GMDS: variants seen among roughly 807,000 people sequenced by gnomAD.
GMDS encodes GDP-mannose 4,6 dehydratase.
In GMDS, 20 loss-of-function variants were observed where a neutral mutation model predicts 49.9. The observed-to-expected ratio is 0.40, with a 90% CI of 0.28 to 0.58. The LOEUF is 0.58. Among genes scored for constraint, GMDS ranks in the 20% least tolerant of loss-of-function variants. GMDS has a pLI of 0.42. For missense variants in GMDS, 362 were observed against 481.4 expected, an observed-to-expected ratio of 0.75 and a Z score of 2.32; for synonymous variants, 177 against 178.6, an observed-to-expected ratio of 0.99 and a Z score of 0.07.
Position 1,666,231 on chromosome 6 carries a change from T to C in GMDS, c.988-41691A>G, listed in dbSNP as rs902795336. Among the ~76,000 whole-genome samples the C allele has an allele frequency of 3.3e-5, 5 of 152,240 alleles. No individual in the cohort carries two copies. In the East Asian group the frequency reaches 9.6e-4, roughly 29 times the overall value. ...TCTGAGATCCTAGAGACGGGAGTCCTGCTCTGCCCAGCATCCTCTCCCCTG... is the reference window on the plus strand; with the variant it reads ...TCTGAGATCCTAGAGACGGGAGTCCCGCTCTGCCCAGCATCCTCTCCCCTG... On this transcript the variant is annotated intron_variant, in intron 9 of 10. Coordinates refer to ENST00000380815, the MANE Select transcript of GMDS (RefSeq NM_001500.4).
chr6:2,001,730 A>G (rs1009199853), intron 4 of GMDS, among the ~76,000 whole-genome samples: 1 of 152,186 alleles, frequency 6.6e-6, no homozygotes, highest in African/African-American at 2.4e-5. Context: ...CCAGAAAAAA[A>G]CCCATGTGTC....
chr6:2,099,358 C>G (rs75946972), intron 4 of GMDS, among the ~76,000 whole-genome samples: 2 of 152,186 alleles, frequency 1.3e-5, no homozygotes, highest in African/African-American at 4.8e-5. Context: ...AATATAGTTA[C>G]GGCATGAAAT....
At chr6:1,984,329 T>C (rs910325767) in intron 4 of GMDS, among the ~76,000 whole-genome samples, 9 of 152,160 alleles carry the variant, frequency 5.9e-5, no homozygotes, top group African/African-American at 2.2e-4. Flanking sequence ...ATGGCATATG[T>C]TTACATATGT....
intron 9 of GMDS, among the ~76,000 whole-genome samples, chr6:1,707,458 C>G (rs536017224): frequency 9.8e-5 from 15 of 152,296 alleles, no homozygotes; most frequent in African/African-American, 3.6e-4. Flanking sequence ...GACACTCTCT[C>G]AAAGGCCCTG....
intron 4 of GMDS, among the ~76,000 whole-genome samples, chr6:2,049,062 G>A (rs1770199257): frequency 6.6e-6 from 1 of 152,166 alleles, no homozygotes; most frequent in South Asian, 2.1e-4. Flanking sequence ...ACACGACAAG[G>A]AAGGAAGCGA....
At chr6:1,859,476 G>A (rs557806433) in intron 7 of GMDS, among the ~76,000 whole-genome samples, 3 of 152,256 alleles carry the variant, frequency 2.0e-5, no homozygotes, top group Middle Eastern at 3.4e-3. Flanking sequence ...GCCACCAAAC[G>A]TGCAATGAAA....
intron 9 of GMDS, among the ~76,000 whole-genome samples, chr6:1,631,889 T>C (rs1305644984): frequency 6.6e-6 from 1 of 152,218 alleles, no homozygotes; most frequent in Admixed American, 6.5e-5. Context: ...TACTGTGATA[T>C]CTGTTAGCAA....
chr6:2,117,629 C>A, intron 2 of GMDS, 73 bp from the exon 3 acceptor site: 1 of 793,886 alleles, frequency 1.3e-6, no homozygotes, highest in Non-Finnish European at 2.2e-6. Flanking sequence ...TAATGTTTAG[C>A]TTTATGAAAA....
intron 1 of GMDS, among the ~76,000 whole-genome samples, chr6:2,169,001 TAGAA>T (rs1312762218): frequency 1.8e-4 from 28 of 152,292 alleles, no homozygotes; most frequent in African/African-American, 6.0e-4. Context: ...AAGTCATAGG[TAGAA>T]AGAACACTTG....
At chr6:1,708,001 C>T (rs78743938) in intron 9 of GMDS, among the ~76,000 whole-genome samples, 5,908 of 152,148 alleles carry the variant, frequency 0.039, 173 homozygotes, top group Middle Eastern at 0.078. Context: ...TATTCACATG[C>T]GTTATTAAAC....
intron 7 of GMDS, among the ~76,000 whole-genome samples, chr6:1,907,188 T>C (rs376309370): frequency 6.6e-6 from 1 of 152,212 alleles, no homozygotes; most frequent in Non-Finnish European, 1.5e-5. Flanking sequence ...TGGCTTGGCA[T>C]GCACGTGTCA....
At position 2,011,076 on chromosome 6, in the gene GMDS, A is replaced by G. The variant is rs72830120; in HGVS notation, c.346-50110T>C. On this transcript the variant is annotated intron_variant, in intron 4 of 10. Transcript: ENST00000380815. ...AATAAGGCAAGAAAAGACGGGGGAAAGGATCCAAGAACAAATGTGACAAAT... is the reference window on the plus strand; with the variant it reads ...AATAAGGCAAGAAAAGACGGGGGAAGGGATCCAAGAACAAATGTGACAAAT... 9.4e-3 allele frequency among the ~76,000 whole-genome samples: 1,429 copies of G among 152,282 alleles called. 8 individuals carry two copies. Among genetic ancestry groups the G allele is most frequent in the Non-Finnish European group, 0.016 (1,059 of 68,026 alleles).
intron 8 of GMDS, among the ~76,000 whole-genome samples, chr6:1,728,625 T>C (rs1273651635): frequency 6.6e-6 from 1 of 152,114 alleles, no homozygotes; most frequent in Non-Finnish European, 1.5e-5. Context: ...CACACACACA[T>C]ATTTAAATCG....
rs535995334 is a variant in GMDS at position 2,008,378 on chromosome 6, A to T, written c.346-47412T>A. 7.4e-4 allele frequency among the ~76,000 whole-genome samples: 113 copies of T among 152,330 alleles called. 1 individual carries two copies. Among genetic ancestry groups the T allele is most frequent in the South Asian group, 1.5e-3 (7 of 4,818 alleles). ...TTAAACCAATACTTGTCACACTTAC[A>T]TATGATGCGTTTTTCTTCACTGACT... On this transcript the variant is annotated intron_variant, in intron 4 of 10. Transcript: ENST00000380815.
chr6:1,738,136 TACACACAC>T (rs202212298), intron 8 of GMDS, among the ~76,000 whole-genome samples: 40 of 108,316 alleles, frequency 3.7e-4, no homozygotes, highest in African/African-American at 1.3e-3. Flanking sequence ...CATACACACA[TACACACAC>T]AGATACACAT....
At chr6:1,877,110 C>T (rs749505932) in intron 7 of GMDS, among the ~76,000 whole-genome samples, 21 of 151,800 alleles carry the variant, frequency 1.4e-4, no homozygotes, top group Non-Finnish European at 2.1e-4. Flanking sequence ...ACGTCCCACC[C>T]GGTGATGGAA....
chr6:2,120,174 T>C (rs1775062732), intron 2 of GMDS, among the ~76,000 whole-genome samples: 1 of 152,162 alleles, frequency 6.6e-6, no homozygotes, highest in South Asian at 2.1e-4. Context: ...ATGTATCAAA[T>C]CACTTAATCA....
At chr6:2,162,421 A>G (rs1438076786) in intron 1 of GMDS, among the ~76,000 whole-genome samples, 1 of 152,070 alleles carries the variant, frequency 6.6e-6, no homozygotes, top group Admixed American at 6.5e-5. Context: ...AAATCAAATA[A>G]TAGACATCTG....
intron 1 of GMDS, among the ~76,000 whole-genome samples, chr6:2,145,246 A>G (rs1250422276): frequency 6.6e-6 from 1 of 152,182 alleles, no homozygotes; most frequent in East Asian, 1.9e-4. Flanking sequence ...TAAATATCAA[A>G]TTTTTAGACC....
Sources: allele counts gnomAD v4.1 joint callset (sites outside exome capture counted in the v4.1 genomes callset), GRCh38; gene constraint gnomAD v4.1.1; transcripts MANE v1.5; gene names NCBI Gene and HGNC (gene_info 2026-07-23, HGNC 2026-07-21).